Variants in CDH13 observed in about 807,000 individuals in gnomAD.
The protein encoded by CDH13 is cadherin-13.
A neutral mutation model predicts 63.8 loss-of-function variants in CDH13; 24 were observed. The observed-to-expected ratio is 0.38, with a 90% CI of 0.27 to 0.53. CDH13 has a LOEUF of 0.53. Ranked by LOEUF, CDH13 falls within the 20% of genes least tolerant of loss-of-function variation. The pLI is 0.85. For synonymous variants in CDH13, 503 were observed against 355.3 expected (o/e 1.42, Z -4.67); for missense variants, 1,049 against 903.1 (o/e 1.16, Z -2.07).
At chr16:82,783,557 T>G (rs2035865878) in intron 1 of CDH13, among the ~76,000 whole-genome samples, 1 of 152,192 alleles carries the variant, frequency 6.6e-6, no homozygotes, top group Admixed American at 6.5e-5. Flanking sequence ...GAGAAAAACT[T>G]CTTACTCCTT....
intron 6 of CDH13, among the ~76,000 whole-genome samples, chr16:83,428,580 G>A (rs190857439): frequency 3.5e-4 from 53 of 152,294 alleles, no homozygotes; most frequent in Admixed American, 1.0e-3. Context: ...GGTAATAAGT[G>A]CTAGCCCAAG....
At chr16:82,790,107 AC>A (rs369740683) in intron 1 of CDH13, among the ~76,000 whole-genome samples, 3 of 151,314 alleles carry the variant, frequency 2.0e-5, no homozygotes, top group Admixed American at 1.3e-4. Context: ...ACATGCCTAC[AC>A]CCCCCCTCGC....
chr16:83,371,351 G>C (rs551433969), intron 6 of CDH13, among the ~76,000 whole-genome samples: 1 of 152,112 alleles, frequency 6.6e-6, no homozygotes, highest in South Asian at 2.1e-4. Context: ...AACATATCCA[G>C]GTCTCCCAAT....
intron 7 of CDH13, among the ~76,000 whole-genome samples, chr16:83,598,279 T>A (rs1907461591): frequency 6.6e-6 from 1 of 152,058 alleles, no homozygotes; most frequent in Admixed American, 6.6e-5. Context: ...GTGAGAGGAT[T>A]GTTTGAGCCA....
intron 7 of CDH13, among the ~76,000 whole-genome samples, chr16:83,506,015 A>G (rs1316109853): frequency 2.0e-5 from 3 of 152,192 alleles, no homozygotes. Context: ...TCACACATTC[A>G]GGGAATGGGT....
intron 2 of CDH13, among the ~76,000 whole-genome samples, chr16:82,979,548 C>T (rs925872033): frequency 9.9e-5 from 15 of 152,078 alleles, no homozygotes; most frequent in Non-Finnish European, 1.5e-4. Flanking sequence ...GGGCGTTTCC[C>T]CCTTTTGCTC....
intron 7 of CDH13, among the ~76,000 whole-genome samples, chr16:83,490,555 A>T (rs983106092): frequency 6.6e-6 from 1 of 152,150 alleles, no homozygotes; most frequent in South Asian, 2.1e-4. Context: ...GGCAGCCACT[A>T]TTCTTGAAAG....
chr16:82,757,469 C>G (rs2034654501), intron 1 of CDH13, among the ~76,000 whole-genome samples: 1 of 96,236 alleles, frequency 1.0e-5, no homozygotes, highest in Non-Finnish European at 2.6e-5. Flanking sequence ...ATCGATGGCT[C>G]TGAAAGAATT....
At chr16:83,256,614 G>A (rs952545104) in intron 5 of CDH13, among the ~76,000 whole-genome samples, 1 of 149,086 alleles carries the variant, frequency 6.7e-6, no homozygotes, top group Non-Finnish European at 1.5e-5. Context: ...GGCGAATCAC[G>A]AGGTCAGGAG....
In CDH13 at chr16:83,795,379, A is replaced by G. The variant is rs1904276387; in HGVS notation, c.*349A>G. ...CACCCAGCTTTGTCTGTGGGTTAGT[A>G]TTGGTGTATGTATGAGTATCTGTAT... On this transcript the variant is annotated 3_prime_UTR_variant, in exon 14 of 14. Transcript: ENST00000567109. 1 of 315,966 alleles carries G rather than the reference A, an allele frequency of 3.2e-6. No individual in the cohort carries two copies. The highest frequency in any genetic ancestry group is 6.0e-6 in the Non-Finnish European group (1 of 167,920). 19.6% of individuals were successfully genotyped at this position (315,966 alleles called of 1,614,324 possible). A position where few individuals can be genotyped will look rare whatever the true frequency, so the allele number is the denominator to read the frequency against.
chr16:82,764,128 G>A (rs2034959121), intron 1 of CDH13, among the ~76,000 whole-genome samples: 1 of 152,178 alleles, frequency 6.6e-6, no homozygotes, highest in Admixed American at 6.5e-5. Flanking sequence ...ATTCTCACCA[G>A]AAGCTACAAA....
chr16:83,521,073 C>T (rs907653661), intron 7 of CDH13, among the ~76,000 whole-genome samples: 6 of 152,196 alleles, frequency 3.9e-5, no homozygotes, highest in African/African-American at 1.4e-4. Flanking sequence ...AAGCAACATG[C>T]TCTCTTTTAC....
intron 5 of CDH13, among the ~76,000 whole-genome samples, chr16:83,337,519 A>G (rs1285888308): frequency 6.6e-6 from 1 of 151,220 alleles, no homozygotes; most frequent in East Asian, 2.0e-4. Context: ...CCACCTTTGG[A>G]TAAAGTATTT....
At chr16:82,978,399 T>C (rs1381719393) in intron 2 of CDH13, among the ~76,000 whole-genome samples, 2 of 152,226 alleles carry the variant, frequency 1.3e-5, no homozygotes, top group African/African-American at 4.8e-5. Context: ...CCAGGGCATG[T>C]CAGGGGTCTT....
intron 2 of CDH13, among the ~76,000 whole-genome samples, chr16:82,999,902 T>C (rs1912678787): frequency 1.3e-5 from 2 of 152,008 alleles, no homozygotes; most frequent in Admixed American, 1.3e-4. Context: ...TTTCACCCCC[T>C]GAGGGCATTT....
At chr16:83,397,386 A>G (rs940582623) in intron 6 of CDH13, 5 of 152,220 alleles carry the variant, frequency 3.3e-5, no homozygotes, top group African/African-American at 4.8e-5. Flanking sequence ...ATACCCTCAG[A>G]TGCTCTAATT....
intron 11 of CDH13, among the ~76,000 whole-genome samples, chr16:83,758,099 G>A (rs1301832596): frequency 6.7e-6 from 1 of 149,792 alleles, no homozygotes; most frequent in African/African-American, 2.5e-5. Flanking sequence ...AAAAAAAAAT[G>A]TTCTTGAAAA....
At position 83,783,240 on chromosome 16, in the gene CDH13, C is replaced by T. The variant is rs751814494; in HGVS notation, c.1916-14C>T. The T allele has an allele frequency of 1.9e-6, 3 of 1,592,574 alleles. No homozygotes were observed. The highest frequency in any genetic ancestry group is 2.2e-5 in the South Asian group (2 of 90,238). ...TCTCATCCACTCTCACCAGAACCCT[C>T]CTTGCCTTTACAGATACACACGCCC... On this transcript the variant is annotated splice_polypyrimidine_tract_variant and intron_variant, in intron 12 of 13. Transcript: ENST00000567109.
intron 6 of CDH13, among the ~76,000 whole-genome samples, chr16:83,435,594 C>G (rs1009967712): frequency 6.6e-6 from 1 of 152,162 alleles, no homozygotes; most frequent in Non-Finnish European, 1.5e-5. Context: ...CGTGCTCTCT[C>G]CCTGATCTCA....
Sources: allele counts gnomAD v4.1 joint callset (sites outside exome capture counted in the v4.1 genomes callset), GRCh38; gene constraint gnomAD v4.1.1; transcripts MANE v1.5; gene names NCBI Gene and HGNC (gene_info 2026-07-23, HGNC 2026-07-21).